The following NAV2 variants were observed in gnomAD, a reference collection of about 807,000 sequenced individuals.
NAV2 encodes the protein neuron navigator 2.
In NAV2, 54 loss-of-function variants were observed where a neutral mutation model predicts 223.2. The ratio of observed to expected loss-of-function variants is 0.24; its 90% CI spans 0.19 to 0.30. The LOEUF (loss-of-function observed/expected upper bound fraction) is 0.30, where lower values mean the gene tolerates loss of function less well. Ranked by LOEUF, NAV2 falls within the 10% of genes least tolerant of loss-of-function variation. NAV2 has a pLI of 1.00. For missense variants in NAV2, 2,806 were observed against 3,147.5 expected (o/e 0.89, Z 2.60); for synonymous variants, 1,279 against 1,239.3 (o/e 1.03, Z -0.67).
chr11:19,892,309 TG>T (rs1433914936), intron 5 of NAV2, 124 bp from the exon 6 acceptor site: 1 of 885,008 alleles, frequency 1.1e-6, no homozygotes, highest in Admixed American at 3.3e-5. Context: ...ATTCTGTGAC[TG>T]GCAAACCTCC....
At chr11:19,455,807 G>A (rs1851938115) in intron 1 of NAV2, among the ~76,000 whole-genome samples, 1 of 152,346 alleles carries the variant, frequency 6.6e-6, no homozygotes, top group African/African-American at 2.4e-5. Context: ...CCAGGGTAAT[G>A]TCTGTGCTGG....
chr11:19,464,558 A>G (rs527666952), intron 1 of NAV2, among the ~76,000 whole-genome samples: 1 of 152,314 alleles, frequency 6.6e-6, no homozygotes, highest in African/African-American at 2.4e-5. Context: ...TCATCTGCAG[A>G]ATGGAGAAGT....
At chr11:20,071,029 A>G (rs550872006) in intron 22 of NAV2, among the ~76,000 whole-genome samples, 5 of 152,202 alleles carry the variant, frequency 3.3e-5, no homozygotes, top group African/African-American at 1.2e-4. Context: ...GTACGTATAC[A>G]TGTGCCATGG....
In NAV2 at chr11:20,032,540, TTTC is replaced by T. The variant is rs527807301; in HGVS notation, c.2769-3412_2769-3410del. Reference sequence around the variant, plus strand: ...CCACGGTCCTCTCCCACCATTCCCCTTTCTTCTTCATCAAATTATGAGAAATTT... The same window carrying T: ...CCACGGTCCTCTCCCACCATTCCCCTTTCTTCATCAAATTATGAGAAATTT... On this transcript the variant is annotated intron_variant, in intron 11 of 37. Coordinates refer to ENST00000349880, the MANE Select transcript of NAV2 (RefSeq NM_145117.5). Among the ~76,000 whole-genome samples, 41 of 152,356 alleles carry T rather than the reference TTTC, an allele frequency of 2.7e-4. No homozygotes were observed. In the East Asian group the frequency reaches 4.8e-3, roughly 18 times the overall value.
intron 11 of NAV2, among the ~76,000 whole-genome samples, chr11:19,991,792 C>G (rs182503755): frequency 5.6e-4 from 85 of 152,266 alleles, no homozygotes; most frequent in African/African-American, 1.9e-3. Context: ...TTCCCTCCTT[C>G]CTTCATGACT....
At chr11:19,604,125 A>C (rs74572425) in intron 1 of NAV2, among the ~76,000 whole-genome samples, 7,475 of 152,188 alleles carry the variant, frequency 0.049, 282 homozygotes, top group Middle Eastern at 0.088. Context: ...TTTGGCTTTT[A>C]CTGTGAGTGA....
chr11:20,057,506 A>G (rs147779868), intron 19 of NAV2, among the ~76,000 whole-genome samples: 1 of 152,290 alleles, frequency 6.6e-6, no homozygotes, highest in East Asian at 1.9e-4. Flanking sequence ...GCTAGAAATT[A>G]ATGCTATAAC....
intron 1 of NAV2, among the ~76,000 whole-genome samples, chr11:19,510,591 G>A (rs761571504): frequency 7.2e-5 from 11 of 152,224 alleles, no homozygotes; most frequent in South Asian, 2.1e-4. Flanking sequence ...GGTTAATTAC[G>A]TTGGCAGAGA....
At chr11:19,721,081 G>A (rs1029830267) in intron 1 of NAV2, among the ~76,000 whole-genome samples, 1 of 152,228 alleles carries the variant, frequency 6.6e-6, no homozygotes, top group African/African-American at 2.4e-5. Flanking sequence ...CTGGTAGGTA[G>A]ACCCAAATAT....
At chr11:20,019,523 T>C (rs1055686085) in intron 11 of NAV2, among the ~76,000 whole-genome samples, 4 of 152,094 alleles carry the variant, frequency 2.6e-5, no homozygotes, top group African/African-American at 9.7e-5. Flanking sequence ...CTTCACCTAG[T>C]ATTTGAAGCC....
intron 8 of NAV2, among the ~76,000 whole-genome samples, chr11:19,945,153 CTCCCTTCCCT>C (rs755938941): frequency 0.19 from 17,927 of 94,424 alleles, 2,427 homozygotes; most frequent in East Asian, 0.5. Context: ...TTCTTTCTGT[CTCCCTTCCCT>C]TCCCTTCCCT....
intron 1 of NAV2, among the ~76,000 whole-genome samples, chr11:19,431,344 G>A (rs1267323729): frequency 6.6e-6 from 1 of 152,174 alleles, no homozygotes; most frequent in Non-Finnish European, 1.5e-5. Flanking sequence ...GTGTGACAGG[G>A]CACTGCAGTG....
chr11:19,399,793 G>A (rs1473939070), intron 1 of NAV2, among the ~76,000 whole-genome samples: 1 of 152,340 alleles, frequency 6.6e-6, no homozygotes, highest in Non-Finnish European at 1.5e-5. Flanking sequence ...TCTGAAGTTA[G>A]CTAGCCCTTT....
chr11:20,056,681 T>TG, intron 19 of NAV2: 1 of 1,145,902 alleles, frequency 8.7e-7, no homozygotes, highest in Admixed American at 1.7e-5. Flanking sequence ...CCCATGAAGA[T>TG]GGGGCTGATG....
intron 1 of NAV2, among the ~76,000 whole-genome samples, chr11:19,376,863 T>G (rs1288695392): frequency 6.6e-6 from 1 of 152,200 alleles, no homozygotes; most frequent in Non-Finnish European, 1.5e-5. Context: ...ATGTGTATGG[T>G]ATTTAACAAG....
At chr11:19,924,338 A>G (rs2044548970) in intron 6 of NAV2, among the ~76,000 whole-genome samples, 1 of 151,908 alleles carries the variant, frequency 6.6e-6, no homozygotes, top group Non-Finnish European at 1.5e-5. Flanking sequence ...TTTAGCTACC[A>G]GCAGACAAAT....
intron 29 of NAV2, among the ~76,000 whole-genome samples, chr11:20,094,523 C>T (rs542791388): frequency 3.7e-4 from 57 of 152,138 alleles, no homozygotes; most frequent in African/African-American, 1.3e-3. Context: ...CCACCACAGC[C>T]GGCTGGGAAA....
intron 1 of NAV2, chr11:19,777,576 CCCGCCCCCCATCCCCTTTAGGAA>C: frequency 2.2e-6 from 1 of 454,426 alleles, no homozygotes; most frequent in Non-Finnish European, 4.4e-6. Flanking sequence ...AACCCCCCAC[CCCGCCCCCCATCCCCTTTAGGAA>C]CTGGCCCGGG....
intron 26 of NAV2, among the ~76,000 whole-genome samples, chr11:20,087,259 C>G (rs900359283): frequency 6.6e-6 from 1 of 152,194 alleles, no homozygotes; most frequent in Non-Finnish European, 1.5e-5. Flanking sequence ...CAGAACTATC[C>G]TCCAAGCCAC....
Sources: allele counts gnomAD v4.1 joint callset (sites outside exome capture counted in the v4.1 genomes callset), GRCh38; gene constraint gnomAD v4.1.1; transcripts MANE v1.5; gene names NCBI Gene and HGNC (gene_info 2026-07-23, HGNC 2026-07-21).